The following PTPRD variants were observed in gnomAD, a reference collection of about 807,000 sequenced individuals.
PTPRD encodes protein tyrosine phosphatase receptor type D, also known as receptor-type tyrosine-protein phosphatase delta.
A neutral mutation model predicts 214.5 loss-of-function variants in PTPRD; 34 were observed. That is an observed-to-expected ratio of 0.16 (90% confidence interval 0.12 to 0.21). The LOEUF (loss-of-function observed/expected upper bound fraction) is 0.21, where lower values mean the gene tolerates loss of function less well. Among genes scored for constraint, PTPRD ranks in the 10% least tolerant of loss-of-function variants. The pLI, the probability that PTPRD is intolerant of heterozygous loss-of-function variation, is 1.00. For synonymous variants in PTPRD, 1,128 were observed against 845.7 expected (o/e 1.33, Z -5.79); for missense variants, 2,545 against 2,398.7 (o/e 1.06, Z -1.27).
At chr9:9,817,630 CTTAT>C (rs1419578342) in intron 5 of PTPRD, among the ~76,000 whole-genome samples, 1 of 152,072 alleles carries the variant, frequency 6.6e-6, no homozygotes, top group Non-Finnish European at 1.5e-5. Context: ...TTTCTTTCAT[CTTAT>C]TTACATTATT....
chr9:10,081,495 A>G (rs1288420082), intron 3 of PTPRD, among the ~76,000 whole-genome samples: 3 of 152,050 alleles, frequency 2.0e-5, no homozygotes, highest in Non-Finnish European at 4.4e-5. Context: ...GTGCCCTAAT[A>G]AAAGAGACCT....
At chr9:8,380,351 C>G (rs2084637552) in intron 37 of PTPRD, among the ~76,000 whole-genome samples, 1 of 151,932 alleles carries the variant, frequency 6.6e-6, no homozygotes, top group African/African-American at 2.4e-5. Flanking sequence ...TATGTGGGCC[C>G]CAATGTCTTC....
chr9:9,256,609 T>G (rs909363517), intron 9 of PTPRD, among the ~76,000 whole-genome samples: 5 of 151,970 alleles, frequency 3.3e-5, no homozygotes, highest in Non-Finnish European at 7.4e-5. Flanking sequence ...GGGACTAGAA[T>G]CCAGGATTCC....
At chr9:9,637,211 C>A (rs1478822187) in intron 7 of PTPRD, among the ~76,000 whole-genome samples, 1 of 152,114 alleles carries the variant, frequency 6.6e-6, no homozygotes, top group African/African-American at 2.4e-5. Context: ...ACACAAAATA[C>A]CTTCATTTCA....
intron 4 of PTPRD, among the ~76,000 whole-genome samples, chr9:10,017,281 C>T (rs2154114633): frequency 6.6e-6 from 1 of 151,916 alleles, no homozygotes; most frequent in East Asian, 1.9e-4. Flanking sequence ...TTTCTTTGTC[C>T]ATTTATTTTA....
At chr9:9,254,305 C>T (rs2099976791) in intron 9 of PTPRD, among the ~76,000 whole-genome samples, 1 of 151,360 alleles carries the variant, frequency 6.6e-6, no homozygotes, top group South Asian at 2.1e-4. Flanking sequence ...TTTCTATTTC[C>T]TTCTATTTTC....
chr9:9,554,113 A>C (rs1210722929), intron 8 of PTPRD, among the ~76,000 whole-genome samples: 1 of 152,076 alleles, frequency 6.6e-6, no homozygotes, highest in Admixed American at 6.6e-5. Flanking sequence ...ACAGTATTTC[A>C]TGGGATATGT....
chr9:10,305,164 CTATT>C lies in PTPRD; in HGVS notation c.-545+35795_-545+35798del, dbSNP rs1175926673. ...AAACAAGCAATGGGGAAAGGATTCCCTATTTAATAAATGGTGTTGGGAAAACTGA... is the reference window on the plus strand; with the variant it reads ...AAACAAGCAATGGGGAAAGGATTCCCTAATAAATGGTGTTGGGAAAACTGA... On this transcript the variant is annotated intron_variant, in intron 3 of 45. Transcript: ENST00000381196. Among the ~76,000 whole-genome samples the C allele has an allele frequency of 2.6e-5, 4 of 152,070 alleles. No homozygotes were observed. The South Asian group carries it at 8.3e-4, about 32-fold the overall frequency.
chr9:8,556,353 G>A (rs533357820), intron 14 of PTPRD, among the ~76,000 whole-genome samples: 1 of 152,262 alleles, frequency 6.6e-6, no homozygotes, highest in Admixed American at 6.5e-5. Context: ...ACTTAACCAT[G>A]AATGTTTTTC....
At chr9:9,182,434 T>C (rs2099928734) in intron 10 of PTPRD, among the ~76,000 whole-genome samples, 2 of 152,046 alleles carry the variant, frequency 1.3e-5, no homozygotes, top group Non-Finnish European at 2.9e-5. Context: ...TTTAGAAAGT[T>C]TGTATTTAGA....
At chr9:8,507,536 A>T (rs574828370) in intron 21 of PTPRD, 102 bp from the exon 22 acceptor site, 9 of 1,403,558 alleles carry the variant, frequency 6.4e-6, no homozygotes, top group East Asian at 4.6e-5. Context: ...ATCTGTACAC[A>T]TGTACCAGCT....
intron 5 of PTPRD, among the ~76,000 whole-genome samples, chr9:9,786,805 TA>T (rs1373249781): frequency 6.6e-6 from 1 of 152,188 alleles, no homozygotes; most frequent in African/African-American, 2.4e-5. Context: ...AGTTGCACTC[TA>T]GAGATTCCCA....
chr9:10,286,932 T>C (rs1041994292), intron 3 of PTPRD, among the ~76,000 whole-genome samples: 8 of 152,072 alleles, frequency 5.3e-5, no homozygotes, highest in African/African-American at 1.9e-4. Flanking sequence ...TATCAACCCA[T>C]ACACAAAAAC....
At chr9:8,791,166 A>C (rs1242836815) in intron 11 of PTPRD, among the ~76,000 whole-genome samples, 2 of 152,224 alleles carry the variant, frequency 1.3e-5, no homozygotes, top group Non-Finnish European at 2.9e-5. Context: ...TAAACATGAG[A>C]AACAGTGACA....
chr9:10,007,691 G>A (rs1358397962), intron 4 of PTPRD, among the ~76,000 whole-genome samples: 1 of 151,928 alleles, frequency 6.6e-6, no homozygotes, highest in African/African-American at 2.4e-5. Flanking sequence ...ACAACCCCAT[G>A]CACATGAGGA....
intron 8 of PTPRD, among the ~76,000 whole-genome samples, chr9:9,447,193 C>T (rs979761328): frequency 6.6e-6 from 1 of 152,118 alleles, no homozygotes; most frequent in African/African-American, 2.4e-5. Flanking sequence ...ATTAATCATT[C>T]TATCATAATG....
intron 2 of PTPRD, among the ~76,000 whole-genome samples, chr9:10,415,116 T>TA (rs2154513537): frequency 6.6e-6 from 1 of 151,784 alleles, no homozygotes; most frequent in African/African-American, 2.4e-5. Flanking sequence ...TAGATAAATA[T>TA]AAAAAACATA....
At chr9:10,422,558 A>G (rs945828393) in intron 2 of PTPRD, among the ~76,000 whole-genome samples, 2 of 152,084 alleles carry the variant, frequency 1.3e-5, no homozygotes. Context: ...CAATCTACCC[A>G]TCTGACAAAG....
chr9:10,482,870 T>C (rs1383624329), intron 2 of PTPRD, among the ~76,000 whole-genome samples: 6 of 152,190 alleles, frequency 3.9e-5, no homozygotes, highest in African/African-American at 9.6e-5. Flanking sequence ...CCAAAAGCAA[T>C]TGACAGATTG....
Sources: gnomAD v4.1 joint callset for allele counts (sites outside exome capture counted in the v4.1 genomes callset) on GRCh38, gnomAD v4.1.1 for gene constraint, MANE v1.5 for transcripts, NCBI Gene and HGNC (gene_info 2026-07-23, HGNC 2026-07-21) for gene names.